The following ANKS1B variants were observed in gnomAD, a reference collection of about 807,000 sequenced individuals.
ANKS1B encodes ankyrin repeat and sterile alpha motif domain-containing protein 1B.
A neutral mutation model predicts 148.3 loss-of-function variants in ANKS1B; 36 were observed. That is an observed-to-expected ratio of 0.24 (90% CI 0.19 to 0.32). The LOEUF is 0.32. ANKS1B is among the 10% of genes least tolerant of loss of function. ANKS1B has a pLI of 1.00. For synonymous variants in ANKS1B, 542 were observed against 560.8 expected (o/e 0.97, Z 0.47); for missense variants, 1,157 against 1,542.6 (o/e 0.75, Z 4.19).
At chr12:99,013,121 A>C (rs1420610099) in intron 17 of ANKS1B, among the ~76,000 whole-genome samples, 2 of 152,214 alleles carry the variant, frequency 1.3e-5, no homozygotes, top group Non-Finnish European at 2.9e-5. Flanking sequence ...TACAGAAAGT[A>C]AGGTAGCAAT....
At chr12:98,867,011 A>G (rs1032991231) in intron 17 of ANKS1B, among the ~76,000 whole-genome samples, 15 of 152,258 alleles carry the variant, frequency 9.9e-5, no homozygotes, top group African/African-American at 3.1e-4. Flanking sequence ...AAACAAATAC[A>G]CAAATAAGCC....
In ANKS1B at chr12:99,368,829, A is replaced by G. The variant is rs139181916; in HGVS notation, c.1756+30802T>C. Among the ~76,000 whole-genome samples, 932 of 152,276 alleles carry G rather than the reference A, an allele frequency of 6.1e-3. 4 individuals carry two copies. Among genetic ancestry groups the G allele is most frequent in the Middle Eastern group, 0.02 (6 of 294 alleles). On this transcript the variant is annotated intron_variant, in intron 12 of 26. Transcript: ENST00000683438. Reference sequence around the variant, plus strand: ...TTGACAATTAAAAAAATAATTCAGAATATCGCACCTTTTTGGGAAAAGCTG... The same window carrying G: ...TTGACAATTAAAAAAATAATTCAGAGTATCGCACCTTTTTGGGAAAAGCTG...
At chr12:98,867,777 G>T (rs1048606517) in intron 17 of ANKS1B, among the ~76,000 whole-genome samples, 2 of 151,824 alleles carry the variant, frequency 1.3e-5, no homozygotes, top group Admixed American at 1.3e-4. Flanking sequence ...CAGGAGAATG[G>T]TGTGGACCCG....
At chr12:99,675,983 A>T (rs1361296264) in intron 8 of ANKS1B, among the ~76,000 whole-genome samples, 1 of 152,130 alleles carries the variant, frequency 6.6e-6, no homozygotes, top group East Asian at 1.9e-4. Context: ...CTTGAATTGT[A>T]CTACCTGTAA....
chr12:98,896,710 G>A (rs547828868), intron 17 of ANKS1B, among the ~76,000 whole-genome samples: 25 of 152,268 alleles, frequency 1.6e-4, no homozygotes, highest in African/African-American at 5.8e-4. Context: ...TTGATAAATG[G>A]GACCTGATTA....
At chr12:99,659,550 CTCAA>C (rs993903285) in intron 8 of ANKS1B, among the ~76,000 whole-genome samples, 100 of 152,174 alleles carry the variant, frequency 6.6e-4, no homozygotes, top group African/African-American at 2.0e-3. Context: ...CAAACTTGAG[CTCAA>C]TCAAAGAAAA....
chr12:99,467,834 G>T (rs1273879288), intron 10 of ANKS1B, among the ~76,000 whole-genome samples: 1 of 152,162 alleles, frequency 6.6e-6, no homozygotes, highest in African/African-American at 2.4e-5. Flanking sequence ...TGGGTAGGAA[G>T]AATCAATATC....
chr12:98,748,237 G>A (rs993639293), intron 26 of ANKS1B, among the ~76,000 whole-genome samples: 20 of 152,256 alleles, frequency 1.3e-4, no homozygotes, highest in African/African-American at 2.9e-4. Flanking sequence ...GAAAATGGTC[G>A]TTGAGGGGTT....
intron 17 of ANKS1B, among the ~76,000 whole-genome samples, chr12:98,977,631 A>G (rs995127698): frequency 1.3e-5 from 2 of 152,228 alleles, no homozygotes; most frequent in Non-Finnish European, 2.9e-5. Flanking sequence ...AGTCAGATCT[A>G]ATATCAACAC....
intron 9 of ANKS1B, among the ~76,000 whole-genome samples, chr12:99,542,357 C>T (rs1210458916): frequency 6.6e-6 from 1 of 151,216 alleles, no homozygotes; most frequent in African/African-American, 2.5e-5. Flanking sequence ...CAAAAAAAAT[C>T]TAAGATTTGT....
chr12:99,701,878 T>C (rs753369952), intron 8 of ANKS1B, among the ~76,000 whole-genome samples: 5 of 152,132 alleles, frequency 3.3e-5, no homozygotes, highest in Non-Finnish European at 7.4e-5. Flanking sequence ...GGATCTCACT[T>C]TTTATGTCTG....
rs540123798 is a variant in ANKS1B at position 99,748,554 on chromosome 12, G to C, written c.1128+24368C>G. 2.0e-5 allele frequency among the ~76,000 whole-genome samples: 3 copies of C among 151,876 alleles called. No individual in the cohort carries two copies. In the South Asian group the frequency reaches 6.2e-4, roughly 32 times the overall value. ...TCATTCATTTAACAAATAATACTGA[G>C]TATATACTTATGCCAGAATTTTTCT... On this transcript the variant is annotated intron_variant, in intron 8 of 26. Coordinates refer to ENST00000683438, the MANE Select transcript of ANKS1B (RefSeq NM_001352186.2).
At chr12:99,733,434 G>A (rs1345225112) in intron 8 of ANKS1B, among the ~76,000 whole-genome samples, 4 of 152,154 alleles carry the variant, frequency 2.6e-5, no homozygotes, top group Admixed American at 1.3e-4. Flanking sequence ...AATAAATTTG[G>A]TGGAGGTTTG....
At chr12:99,849,568 A>G (rs1040034560) in intron 1 of ANKS1B, among the ~76,000 whole-genome samples, 2 of 152,196 alleles carry the variant, frequency 1.3e-5, no homozygotes, top group Non-Finnish European at 2.9e-5. Flanking sequence ...ATGTACAAGC[A>G]TGTACAGCAC....
intron 10 of ANKS1B, among the ~76,000 whole-genome samples, chr12:99,479,246 G>A (rs2096372552): frequency 6.6e-6 from 1 of 152,080 alleles, no homozygotes; most frequent in African/African-American, 2.4e-5. Context: ...TTGGACCTAT[G>A]TTGATAAAAC....
intron 1 of ANKS1B, among the ~76,000 whole-genome samples, chr12:99,876,449 G>A (rs776155919): frequency 1.3e-5 from 2 of 152,128 alleles, no homozygotes; most frequent in Non-Finnish European, 2.9e-5. Context: ...GAGGCCAGGC[G>A]CAGTGGCTCA....
chr12:99,054,344 T>A (rs1232146631), intron 16 of ANKS1B, among the ~76,000 whole-genome samples: 2 of 152,166 alleles, frequency 1.3e-5, no homozygotes, highest in African/African-American at 2.4e-5. Context: ...TGATTCTGAT[T>A]TGCGAGCAGA....
chr12:99,322,581 T>C (rs1319078483), intron 12 of ANKS1B, among the ~76,000 whole-genome samples: 3 of 152,142 alleles, frequency 2.0e-5, no homozygotes, highest in Non-Finnish European at 4.4e-5. Context: ...GCTTTGTATC[T>C]CCACCTGCCT....
chr12:99,354,999 A>G (rs2091837225), intron 12 of ANKS1B, among the ~76,000 whole-genome samples: 1 of 152,118 alleles, frequency 6.6e-6, no homozygotes, highest in Non-Finnish European at 1.5e-5. Flanking sequence ...AAAGGTCAAT[A>G]TGATCACTGT....
Sources: allele counts gnomAD v4.1 joint callset (sites outside exome capture counted in the v4.1 genomes callset), GRCh38; gene constraint gnomAD v4.1.1; transcripts MANE v1.5; gene names NCBI Gene and HGNC (gene_info 2026-07-23, HGNC 2026-07-21).